The following C10orf53 variants were observed in gnomAD, a reference collection of about 807,000 sequenced individuals.
C10orf53 encodes the protein UPF0728 protein C10orf53.
C10orf53 carries 8 observed loss-of-function variants against 9.4 expected under a neutral mutation model. The ratio of observed to expected loss-of-function variants is 0.85; its 90% CI spans 0.50 to 1.53. The LOEUF is 1.53. Ranked by LOEUF, C10orf53 falls within the 40% of genes most tolerant of loss-of-function variation. The pLI, the probability that C10orf53 is intolerant of heterozygous loss-of-function variation, is 0.00. For synonymous variants in C10orf53, 48 were observed against 46.0 expected, an observed-to-expected ratio of 1.04 and a Z score of -0.18; for missense variants, 117 against 117.8, an observed-to-expected ratio of 0.99 and a Z score of 0.03.
At chr10:49,691,768 C>T (rs566544583) in intron 1 of C10orf53, among the ~76,000 whole-genome samples, 9 of 152,322 alleles carry the variant, frequency 5.9e-5, no homozygotes, top group African/African-American at 2.2e-4. Context: ...GGGCCAGGGG[C>T]AGGCTACAGT....
intron 1 of C10orf53, among the ~76,000 whole-genome samples, chr10:49,681,030 T>C (rs1012220472): frequency 2.0e-5 from 3 of 152,228 alleles, no homozygotes; most frequent in Non-Finnish European, 2.9e-5. Context: ...GAGGCACATC[T>C]GAACCTACAA....
chr10:49,679,952 G>A (rs1840464211), intron 1 of C10orf53, among the ~76,000 whole-genome samples, 158 bp downstream of exon 1: 1 of 152,236 alleles, frequency 6.6e-6, no homozygotes, highest in Admixed American at 6.5e-5. Context: ...TTCCAGGGCT[G>A]GGCTAAAAGA....
Position 49,705,667 on chromosome 10 carries a change from A to G in C10orf53, c.218-2694A>G, listed in dbSNP as rs550884201. Among the ~76,000 whole-genome samples the G allele has an allele frequency of 5.3e-5, 8 of 152,300 alleles. No homozygotes were observed. The South Asian group carries it at 1.5e-3, about 28-fold the overall frequency. On this transcript the variant is annotated intron_variant, in intron 2 of 2. Transcript: ENST00000374112. Reference sequence around the variant, plus strand: ...ACCTATATGTAAGAGCCAAAATTATAAAACTCTTAGGAAAAAAACCTACAG... The same window carrying G: ...ACCTATATGTAAGAGCCAAAATTATGAAACTCTTAGGAAAAAAACCTACAG...
intron 2 of C10orf53, among the ~76,000 whole-genome samples, chr10:49,707,218 G>T (rs546452007): frequency 4.2e-4 from 64 of 152,292 alleles, no homozygotes; most frequent in African/African-American, 1.2e-3. Flanking sequence ...CCATTTAACA[G>T]GTGGGGAAAC....
downstream of C10orf53, among the ~76,000 whole-genome samples, chr10:49,700,006 G>A (rs10857531): frequency 0.42 from 63,237 of 151,996 alleles, 13,956 homozygotes; most frequent in Middle Eastern, 0.5. Flanking sequence ...TTCTGTGGAT[G>A]TTCTGTTTAG....
At chr10:49,689,547 C>T (rs568704357) in intron 1 of C10orf53, among the ~76,000 whole-genome samples, 10 of 152,242 alleles carry the variant, frequency 6.6e-5, no homozygotes, top group South Asian at 2.1e-4. Context: ...ACCTCACACA[C>T]GCACTAGGAT....
intron 2 of C10orf53, among the ~76,000 whole-genome samples, chr10:49,703,794 A>T (rs1056998677): frequency 1.2e-4 from 18 of 152,380 alleles, no homozygotes; most frequent in African/African-American, 4.1e-4. Flanking sequence ...ATGTAATGCT[A>T]TACCAATAAA....
chr10:49,702,242 A>AGGGG (rs1840689848), downstream of C10orf53, among the ~76,000 whole-genome samples: 2 of 34,594 alleles, frequency 5.8e-5, no homozygotes, highest in Non-Finnish European at 1.2e-4. Flanking sequence ...GGAGGGAGGG[A>AGGGG]GGGAGGGAGG....
At chr10:49,692,723 G>A (rs1415877321) in intron 1 of C10orf53, among the ~76,000 whole-genome samples, 2 of 152,118 alleles carry the variant, frequency 1.3e-5, no homozygotes, top group Non-Finnish European at 2.9e-5. Flanking sequence ...AGAGCTCTAG[G>A]CTGTCCAATG....
chr10:49,681,088 A>T (rs1840475003), intron 1 of C10orf53, among the ~76,000 whole-genome samples: 2 of 152,210 alleles, frequency 1.3e-5, no homozygotes, highest in Non-Finnish European at 2.9e-5. Context: ...TTATCCAGGT[A>T]TTAAGCCCAC....
intron 1 of C10orf53, among the ~76,000 whole-genome samples, chr10:49,690,259 G>A (rs1048801875): frequency 1.3e-5 from 2 of 152,110 alleles, no homozygotes; most frequent in Non-Finnish European, 2.9e-5. Context: ...TCTGTGTTTC[G>A]ATGAATGATA....
chr10:49,681,749 G>C (rs867002859), intron 1 of C10orf53, among the ~76,000 whole-genome samples: 1 of 152,172 alleles, frequency 6.6e-6, no homozygotes, highest in Non-Finnish European at 1.5e-5. Context: ...TATGGGGAGA[G>C]CGGGGAGCAA....
chr10:49,688,981 CA>C (rs1206651523), intron 1 of C10orf53, among the ~76,000 whole-genome samples: 1 of 152,192 alleles, frequency 6.6e-6, no homozygotes, highest in Non-Finnish European at 1.5e-5. Context: ...CCTTCTCCCC[CA>C]CTTGGAGGCA....
exon 3 of C10orf53, chr10:49,709,880 TC>T: frequency 6.5e-6 from 1 of 152,730 alleles, no homozygotes; most frequent in Non-Finnish European, 1.5e-5. Flanking sequence ...AACGGTGGGC[TC>T]CCCTCTCTGG....
chr10:49,696,059 G>A lies in C10orf53; in HGVS notation c.*1457G>A, dbSNP rs1207811983. 1 of 152,016 alleles carries A rather than the reference G, an allele frequency of 6.6e-6. No individual in the cohort carries two copies. Among genetic ancestry groups the A allele is most frequent in the African/African-American group, 2.4e-5 (1 of 41,378 alleles). The allele number at this position is 152,016 out of a possible 1,614,324, so 9.4% of individuals were successfully genotyped here. On this transcript the variant is annotated 3_prime_UTR_variant, in exon 3 of 3. Transcript: ENST00000374111. The stretch of plus-strand genomic sequence containing the variant: ...GTAACATTTTTATATATTTCAATTT[G>A]GGTTTCTTCTGTTTATGTCTGAATA...
At position 49,695,745 on chromosome 10, in the gene C10orf53, G is replaced by A. The variant is rs914873975; in HGVS notation, c.*1143G>A. The A allele has an allele frequency of 6.6e-6, 1 of 152,224 alleles. No individual in the cohort carries two copies. The highest frequency in any genetic ancestry group is 2.4e-5 in the African/African-American group (1 of 41,462). 9.4% of individuals were successfully genotyped at this position (152,224 alleles called of 1,614,324 possible). On this transcript the variant is annotated 3_prime_UTR_variant, in exon 3 of 3. Coordinates refer to ENST00000374111, the MANE Select transcript of C10orf53 (RefSeq NM_001042427.3). ...TAAAACCCCAGCCCAAGCTTCACTT[G>A]TCAGAGTTGATTCAGGGATTGTGAA...
downstream of C10orf53, among the ~76,000 whole-genome samples, chr10:49,698,634 A>G (rs992921083): frequency 1.4e-4 from 22 of 152,192 alleles, no homozygotes; most frequent in African/African-American, 5.3e-4. Flanking sequence ...AAGACAAGAA[A>G]GTGCTAGCCC....
chr10:49,692,899 TA>T (rs1221198008), intron 1 of C10orf53, among the ~76,000 whole-genome samples: 9 of 152,200 alleles, frequency 5.9e-5, no homozygotes. Context: ...TTAGCTTTTC[TA>T]AAAAACTTTT....
intron 1 of C10orf53, among the ~76,000 whole-genome samples, chr10:49,682,491 A>G (rs113478287): frequency 0.014 from 2,175 of 152,284 alleles, 65 homozygotes; most frequent in African/African-American, 0.05. Context: ...CAGCAGCAAG[A>G]TTTATTATGA....
Sources: allele counts gnomAD v4.1 joint callset (sites outside exome capture counted in the v4.1 genomes callset), GRCh38; gene constraint gnomAD v4.1.1; transcripts MANE v1.5; gene names NCBI Gene and HGNC (gene_info 2026-07-23, HGNC 2026-07-21).